The following ZNF469 variants were observed in gnomAD, a reference collection of about 807,000 sequenced individuals.
The protein encoded by ZNF469 is zinc finger protein 469.
A neutral mutation model predicts 1.0 loss-of-function variants in ZNF469; 1 was observed. That is an observed-to-expected ratio of 1.00 (90% CI 0.35 to 4.73). The LOEUF (loss-of-function observed/expected upper bound fraction) is 4.73. ZNF469 is among the 30% of genes most tolerant of loss of function. The pLI, the probability that ZNF469 is intolerant of heterozygous loss-of-function variation, is 0.16. For synonymous variants in ZNF469, 2,703 were observed against 2,363.4 expected (o/e 1.14, Z -4.17); for missense variants, 6,100 against 5,356.3 (o/e 1.14, Z -4.33).
At chr16:88,212,613 C>G in the ZNF469 span, among the ~76,000 whole-genome samples, 1 of 152,128 alleles carries the variant, frequency 6.6e-6, no homozygotes, top group East Asian at 1.9e-4. Context: ...CAAGGTCTCA[C>G]TCTGTCACCC....
Position 88,437,501 on chromosome 16 carries a change from A to G in ZNF469, c.10031A>G (p.Lys3344Arg). 3.2e-6 allele frequency: 5 copies of G among 1,540,634 alleles called. No homozygotes were observed. The highest frequency in any genetic ancestry group is 4.4e-6 in the Non-Finnish European group (5 of 1,140,508). The change falls in exon 3 of 3, where the codon AAG becomes AGG. Residue 3344 changes from lysine to arginine, a missense_variant. Transcript: ENST00000565624. Reference protein sequence around the residue: ...DPSRDCHHCGKRFPKPFKLQR... With the variant: ...DPSRDCHHCGRRFPKPFKLQR... The stretch of plus-strand genomic sequence containing the variant: ...TCCCGCGACTGCCACCACTGCGGGA[A>G]GCGCTTCCCCAAGCCCTTCAAGCTG...
the ZNF469 span, among the ~76,000 whole-genome samples, chr16:88,304,915 G>T: frequency 6.6e-6 from 1 of 152,142 alleles, no homozygotes; most frequent in Admixed American, 6.5e-5. Context: ...ATTGGCTTGG[G>T]ATCCCTTTTC....
the ZNF469 span, among the ~76,000 whole-genome samples, chr16:88,255,033 C>A: frequency 1.3e-5 from 2 of 152,162 alleles, no homozygotes; most frequent in Non-Finnish European, 2.9e-5. Flanking sequence ...TCAGTAGCTT[C>A]TTTTCTTAAT....
At chr16:88,165,682 A>G in the ZNF469 span, among the ~76,000 whole-genome samples, 1 of 152,156 alleles carries the variant, frequency 6.6e-6, no homozygotes, top group African/African-American at 2.4e-5. Flanking sequence ...TCTGGGACTC[A>G]GTACTTTCTT....
Position 88,433,505 on chromosome 16 carries a change from C to T in ZNF469, c.6035C>T (p.Thr2012Met), listed in dbSNP as rs777417920. The change falls in exon 3 of 3, where the codon ACG (threonine) becomes ATG (methionine). Residue 2012 changes from threonine to methionine, a missense_variant. Coordinates refer to ENST00000565624, the MANE Select transcript of ZNF469 (RefSeq NM_001367624.2). Reference protein sequence around the residue: ...QPENGVSPGGTDNHASVNASP... With the variant: ...QPENGVSPGGMDNHASVNASP... ...GAGAACGGGGTGAGCCCAGGGGGCACGGACAACCACGCCTCAGTCAATGCC... is the reference window on the plus strand; with the variant it reads ...GAGAACGGGGTGAGCCCAGGGGGCATGGACAACCACGCCTCAGTCAATGCC... The T allele has an allele frequency of 3.9e-5, 60 of 1,550,388 alleles. No homozygotes were observed. The highest frequency in any genetic ancestry group is 1.9e-4 in the South Asian group (16 of 84,066).
chr16:88,379,063 C>T (rs536149528), upstream of ZNF469, among the ~76,000 whole-genome samples: 2 of 152,334 alleles, frequency 1.3e-5, no homozygotes, highest in South Asian at 2.1e-4. Context: ...CTGTCGGAGG[C>T]TTCTCGTGCC....
chr16:88,277,010 G>A, the ZNF469 span, among the ~76,000 whole-genome samples: 1 of 151,624 alleles, frequency 6.6e-6, no homozygotes, highest in Non-Finnish European at 1.5e-5. Flanking sequence ...CATTAGTGCT[G>A]TGCCACGCTG....
rs760206158 is a variant in ZNF469, at chr16:88,431,424, C to T, written c.3954C>T (p.Asp1318=). The change falls in exon 3 of 3, where the codon GAC becomes GAT. Residue 1318 remains aspartate, a synonymous_variant. Transcript: ENST00000565624. ...CCCCAGTCTCCCACAACAGCAAGGA[C>T]CCCCCTGCCCGCCAGCCTGGAGAAT... ...TQAPVSHNSK[D]PPARQPGEFL... 3 of 1,550,236 alleles carry T rather than the reference C, an allele frequency of 1.9e-6. No homozygotes were observed. The highest frequency in any genetic ancestry group is 1.7e-6 in the Non-Finnish European group (2 of 1,146,964).
At chr16:88,228,784 A>G in the ZNF469 span, among the ~76,000 whole-genome samples, 11 of 152,328 alleles carry the variant, frequency 7.2e-5, no homozygotes, top group South Asian at 2.1e-4. Flanking sequence ...AACAATTTTC[A>G]TACAACTCCT....
At chr16:88,128,797 C>A in the ZNF469 span, among the ~76,000 whole-genome samples, 1 of 152,234 alleles carries the variant, frequency 6.6e-6, no homozygotes. Flanking sequence ...ATAGTCCAGA[C>A]AGAGCATCCC....
chr16:88,148,500 C>A, the ZNF469 span, among the ~76,000 whole-genome samples: 1 of 152,174 alleles, frequency 6.6e-6, no homozygotes, highest in African/African-American at 2.4e-5. Context: ...TGGGGCACAA[C>A]TGGCCAGAGG....
At chr16:88,135,950 G>A in the ZNF469 span, among the ~76,000 whole-genome samples, 7 of 151,698 alleles carry the variant, frequency 4.6e-5, no homozygotes, top group East Asian at 1.9e-4. Context: ...TAGTAGAGAC[G>A]GGGTTTCACT....
Position 88,430,526 on chromosome 16 carries a change from C to A in ZNF469, c.3056C>A (p.Pro1019His). 6.9e-7 allele frequency: 1 copy of A among 1,455,840 alleles called. No homozygotes were observed. The highest frequency in any genetic ancestry group is 2.1e-4 in the Middle Eastern group (1 of 4,662). The allele number at this position is 1,455,840 out of a possible 1,614,324, so 90.2% of individuals were successfully genotyped here. A position where few individuals can be genotyped will look rare whatever the true frequency, so the allele number is the denominator to read the frequency against. The change falls in exon 3 of 3, where the codon CCC becomes CAC. Residue 1019 changes from proline (P) to histidine (H), a missense_variant. Coordinates refer to ENST00000565624, the MANE Select transcript of ZNF469 (RefSeq NM_001367624.2). Reference sequence around the variant, plus strand: ...CGGGTCCCGAGAGCCGCCGCCCTCCCCGAGGAGACCCGCAGCTCCCGGCGC... The same window carrying A: ...CGGGTCCCGAGAGCCGCCGCCCTCCACGAGGAGACCCGCAGCTCCCGGCGC... ...APRVPRAAAL[P>H]EETRSSRRRR... is the part of the protein sequence containing the mutation.
the ZNF469 span, among the ~76,000 whole-genome samples, chr16:88,198,967 CTCA>C: frequency 6.6e-6 from 1 of 152,326 alleles, no homozygotes; most frequent in Non-Finnish European, 1.5e-5. Flanking sequence ...CTGCTGCCGC[CTCA>C]TGTTCTCTGT....
the ZNF469 span, among the ~76,000 whole-genome samples, chr16:88,332,392 C>G: frequency 1.9e-4 from 29 of 152,202 alleles, no homozygotes; most frequent in Non-Finnish European, 4.4e-5. Context: ...CATGATGTGC[C>G]GTCACCGCGT....
chr16:88,427,076 C>T (rs1905737057), intron 2 of ZNF469, among the ~76,000 whole-genome samples: 1 of 152,154 alleles, frequency 6.6e-6, no homozygotes, highest in Admixed American at 6.5e-5. Context: ...CTCCCTCCCC[C>T]TCCACTCAAT....
Position 88,431,509 on chromosome 16 carries a change from T to A in ZNF469, c.4039T>A (p.Ser1347Thr), listed in dbSNP as rs1416786937. The change falls in exon 3 of 3, where the codon TCA (serine) becomes ACA (threonine). Residue 1347 changes from serine to threonine, a missense_variant. Transcript: ENST00000565624. ...CTGCCCCAAACCCAGTGTTCTGTCT[T>A]CAAAGATCTCCAGTTTTGGCTGTGA... Reference protein sequence around the residue: ...TACPKPSVLSSKISSFGCDPA... With the variant: ...TACPKPSVLSTKISSFGCDPA... The A allele has an allele frequency of 6.4e-7, 1 of 1,550,428 alleles. No homozygotes were observed.
chr16:88,285,707 G>A, the ZNF469 span, among the ~76,000 whole-genome samples: 2 of 152,256 alleles, frequency 1.3e-5, no homozygotes, highest in Non-Finnish European at 2.9e-5. Context: ...TGGAGAGCAA[G>A]CCAGCTGGTG....
upstream of ZNF469, among the ~76,000 whole-genome samples, chr16:88,378,930 G>A (rs548611063): frequency 6.6e-6 from 1 of 152,318 alleles, no homozygotes; most frequent in African/African-American, 2.4e-5. Flanking sequence ...GGCAGGCGTG[G>A]GCCCACACGT....
Sources: allele counts gnomAD v4.1 joint callset (sites outside exome capture counted in the v4.1 genomes callset), GRCh38; gene constraint gnomAD v4.1.1; transcripts MANE v1.5; gene names NCBI Gene and HGNC (gene_info 2026-07-23, HGNC 2026-07-21).